The following UTRN variants were observed in gnomAD, a reference collection of about 807,000 sequenced individuals.
The protein encoded by UTRN is utrophin.
A neutral mutation model predicts 463.9 loss-of-function variants in UTRN; 283 were observed. That is an observed-to-expected ratio of 0.61 (90% CI 0.55 to 0.67). The LOEUF (loss-of-function observed/expected upper bound fraction) is 0.67, where lower values mean the gene tolerates loss of function less well. UTRN is among the 30% of genes least tolerant of loss of function. The pLI, the probability that UTRN is intolerant of heterozygous loss-of-function variation, is 0.00. For synonymous variants in UTRN, 1,442 were observed against 1,431.5 expected (o/e 1.01, Z -0.17); for missense variants, 3,922 against 4,084.3 (o/e 0.96, Z 1.08).
intron 58 of UTRN, among the ~76,000 whole-genome samples, chr6:144,767,699 A>G (rs1346512577): frequency 6.6e-6 from 1 of 152,220 alleles, no homozygotes; most frequent in East Asian, 1.9e-4. Flanking sequence ...TATTACTGTG[A>G]TTAATATACA....
At chr6:144,501,775 C>G (rs745338864) in intron 34 of UTRN, among the ~76,000 whole-genome samples, 10 of 152,086 alleles carry the variant, frequency 6.6e-5, no homozygotes, top group Non-Finnish European at 1.2e-4. Flanking sequence ...AAGTATTGAT[C>G]AAGGGACAGG....
chr6:144,839,235 G>C lies in UTRN; in HGVS notation c.10128G>C (p.Leu3376=). The change falls in exon 72 of 75, where the codon CTG becomes CTC. Residue 3376 remains leucine, a synonymous_variant. Transcript: ENST00000367545. ...SPWASPQHSA[L]SYSLDPDASG... is the part of the protein sequence containing the mutation. ...GGGCTTCTCCTCAGCATTCTGCACT[G>C]AGCTACTCGCTTGATCCAGATGCCT... is the stretch of plus-strand genomic sequence containing the variant. 1 of 1,613,986 alleles carries C rather than the reference G, an allele frequency of 6.2e-7. No homozygotes were observed. The highest frequency in any genetic ancestry group is 1.3e-5 in the African/African-American group (1 of 75,034).
intron 2 of UTRN, among the ~76,000 whole-genome samples, chr6:144,384,965 C>G (rs1489220697): frequency 6.6e-6 from 1 of 152,068 alleles, no homozygotes; most frequent in Admixed American, 6.6e-5. Context: ...TGACATAACC[C>G]TAGGTAATGG....
chr6:144,730,314 A>G, intron 53 of UTRN, 43 bp from the exon 54 acceptor site: 3 of 1,505,592 alleles, frequency 2.0e-6, no homozygotes, highest in Non-Finnish European at 2.7e-6. Context: ...AATTTGGTGA[A>G]CACGTGAGGT....
chr6:144,738,065 T>C (rs143845611), intron 54 of UTRN, among the ~76,000 whole-genome samples: 1 of 152,334 alleles, frequency 6.6e-6, no homozygotes, highest in East Asian at 1.9e-4. Context: ...GAAAGGTAGA[T>C]GCAAGAACAG....
chr6:144,330,696 C>G (rs980846434), intron 2 of UTRN: 59 of 422,480 alleles, frequency 1.4e-4, no homozygotes, highest in African/African-American at 1.1e-3. Flanking sequence ...GATTTTAAGG[C>G]GACAGGCTCC....
chr6:144,494,311 C>T (rs181231936), intron 33 of UTRN, among the ~76,000 whole-genome samples: 5 of 152,064 alleles, frequency 3.3e-5, no homozygotes, highest in African/African-American at 9.7e-5. Context: ...ACGCTGCAGA[C>T]CTTTGCAGTG....
At chr6:144,821,425 C>T (rs1779594700) in intron 66 of UTRN, among the ~76,000 whole-genome samples, 1 of 151,632 alleles carries the variant, frequency 6.6e-6, no homozygotes, top group Non-Finnish European at 1.5e-5. Flanking sequence ...TTTTGCATCT[C>T]TTTAATATAA....
At chr6:144,395,294 C>T (rs920817184) in intron 2 of UTRN, among the ~76,000 whole-genome samples, 12 of 151,838 alleles carry the variant, frequency 7.9e-5, no homozygotes, top group African/African-American at 2.9e-4. Flanking sequence ...GACAAAAATT[C>T]AAAGTGAAGT....
intron 33 of UTRN, among the ~76,000 whole-genome samples, chr6:144,497,258 TG>T: frequency 6.6e-6 from 1 of 152,108 alleles, no homozygotes; most frequent in East Asian, 1.9e-4. Flanking sequence ...GTGAGTGAAT[TG>T]ATTTCAGACA....
At chr6:144,681,157 T>A (rs751467354) in intron 52 of UTRN, among the ~76,000 whole-genome samples, 6 of 152,120 alleles carry the variant, frequency 3.9e-5, no homozygotes, top group Non-Finnish European at 7.3e-5. Context: ...GTTAAGACAC[T>A]GGTGAGACAT....
chr6:144,495,590 A>G (rs1334458390), intron 33 of UTRN, among the ~76,000 whole-genome samples: 1 of 152,220 alleles, frequency 6.6e-6, no homozygotes, highest in Non-Finnish European at 1.5e-5. Flanking sequence ...AGGGGTTCCC[A>G]CAGTGCAGCG....
At chr6:144,400,190 G>C (rs1392802728) in intron 2 of UTRN, among the ~76,000 whole-genome samples, 1 of 152,184 alleles carries the variant, frequency 6.6e-6, no homozygotes, top group Non-Finnish European at 1.5e-5. Flanking sequence ...AATACATTTA[G>C]AGAAGGTGTA....
At position 144,505,023 on chromosome 6, in the gene UTRN, C is replaced by T. The variant is rs143468639; in HGVS notation, c.4764+5596C>T. Among the ~76,000 whole-genome samples the T allele has an allele frequency of 2.7e-3, 408 of 152,228 alleles. 3 individuals are homozygous for T. Among genetic ancestry groups the T allele is most frequent in the African/African-American group, 9.0e-3 (375 of 41,538 alleles). The stretch of plus-strand genomic sequence containing the variant: ...GTGTCCTGGAATTTACCCATTTCTT[C>T]TACATTTTCTAGTTCATTTTTGTGG... On this transcript the variant is annotated intron_variant, in intron 34 of 74. Transcript: ENST00000367545.
At chr6:144,659,324 AAT>A (rs2128671156) in intron 51 of UTRN, among the ~76,000 whole-genome samples, 1 of 152,300 alleles carries the variant, frequency 6.6e-6, no homozygotes, top group Non-Finnish European at 1.5e-5. Flanking sequence ...TGATTAAAAT[AAT>A]AAACAACTGC....
At chr6:144,311,067 G>A (rs1057483614) in intron 2 of UTRN, among the ~76,000 whole-genome samples, 4 of 152,268 alleles carry the variant, frequency 2.6e-5, no homozygotes, top group Admixed American at 2.6e-4. Flanking sequence ...TTTTTAGTTG[G>A]CATGAAAATG....
chr6:144,427,442 C>T (rs755076434), intron 7 of UTRN, among the ~76,000 whole-genome samples: 1 of 152,090 alleles, frequency 6.6e-6, no homozygotes, highest in Non-Finnish European at 1.5e-5. Context: ...GTAAGTTTGT[C>T]TCTAGATTGT....
intron 69 of UTRN, among the ~76,000 whole-genome samples, chr6:144,831,722 A>T (rs1438574330): frequency 6.6e-6 from 1 of 152,130 alleles, no homozygotes; most frequent in African/African-American, 2.4e-5. Context: ...GGTTCTGGGG[A>T]ATCTCAGAAG....
At chr6:144,318,125 A>G (rs1385085626) in intron 2 of UTRN, among the ~76,000 whole-genome samples, 2 of 152,118 alleles carry the variant, frequency 1.3e-5, no homozygotes, top group South Asian at 2.1e-4. Flanking sequence ...AGCCTGTACA[A>G]TAATACTGTT....
Sources: gnomAD v4.1 joint callset for allele counts (sites outside exome capture counted in the v4.1 genomes callset) on GRCh38, gnomAD v4.1.1 for gene constraint, MANE v1.5 for transcripts, NCBI Gene and HGNC (gene_info 2026-07-23, HGNC 2026-07-21) for gene names.